The following CAMK2B variants were observed in gnomAD, a reference collection of about 807,000 sequenced individuals.
The protein encoded by CAMK2B is calcium/calmodulin-dependent protein kinase type II subunit beta.
CAMK2B carries 27 observed loss-of-function variants against 93.7 expected under a neutral mutation model. That is an observed-to-expected ratio of 0.29 (90% CI 0.21 to 0.40). The LOEUF is 0.40. CAMK2B is among the 10% of genes least tolerant of loss of function. The probability of loss-of-function intolerance (pLI) is 1.00; values close to 1 mark genes in which losing one functional copy is unlikely to be tolerated. For missense variants in CAMK2B, 568 were observed against 895.8 expected, an observed-to-expected ratio of 0.63 and a Z score of 4.67; for synonymous variants, 374 against 358.8, an observed-to-expected ratio of 1.04 and a Z score of -0.48.
At position 44,220,272 on chromosome 7, in the gene CAMK2B, C is replaced by T. The variant is rs1127065; in HGVS notation, c.1791G>A (p.Pro597=). 662,020 of 1,612,312 alleles carry T rather than the reference C, an allele frequency of 0.41. 138,916 individuals carry two copies. Among genetic ancestry groups the T allele is most frequent in the South Asian group, 0.43 (39,174 of 91,048 alleles). ...FENLLAKNSK[P]IHTTILNPHV... is the part of the protein sequence containing the mutation. ...GTGGGTTCAGGATGGTCGTGTGGAT[C>T]GGCTTGCTGTTCTTGGCCAGCACTG... is the stretch of plus-strand genomic sequence containing the variant. The change falls in exon 23 of 24, where the codon CCG becomes CCA. Residue 597 remains proline (P), a synonymous_variant. Transcript: ENST00000395749.
intron 1 of CAMK2B, among the ~76,000 whole-genome samples, chr7:44,316,107 A>T (rs1794777227): frequency 6.6e-6 from 1 of 152,152 alleles, no homozygotes; most frequent in African/African-American, 2.4e-5. Context: ...CTAGAAATGG[A>T]AAGAGCAGAT....
chr7:44,271,027 T>C lies in CAMK2B; in HGVS notation c.161-7963A>G, dbSNP rs2096969732. Among the ~76,000 whole-genome samples the C allele has an allele frequency of 6.6e-6, 1 of 152,204 alleles. No homozygotes were observed. Among genetic ancestry groups the C allele is most frequent in the Non-Finnish European group, 1.5e-5 (1 of 68,036 alleles). ...TCCACCTCCCGGGTTCAAGTGATTCTCCCATGTCAGCCTCTCCAGTAGCTG... is the reference window on the plus strand; with the variant it reads ...TCCACCTCCCGGGTTCAAGTGATTCCCCCATGTCAGCCTCTCCAGTAGCTG... On this transcript the variant is annotated intron_variant, in intron 2 of 23. Transcript: ENST00000395749. This position sits in a 1 kb window ranked among gnomAD's most constrained non-coding sequence, Gnocchi z 4.2.
intron 1 of CAMK2B, among the ~76,000 whole-genome samples, chr7:44,297,103 G>A (rs1788515975): frequency 1.3e-5 from 2 of 152,124 alleles, no homozygotes; most frequent in Admixed American, 1.3e-4. Context: ...TATCACTTAT[G>A]GATAAGTGAA....
At chr7:44,263,285 C>T (rs972946067) in intron 2 of CAMK2B, among the ~76,000 whole-genome samples, 26 of 152,192 alleles carry the variant, frequency 1.7e-4, no homozygotes, top group African/African-American at 6.3e-4. Flanking sequence ...GTGGAGAGGC[C>T]CATTCGGGTA....
At chr7:44,239,724 G>A in intron 12 of CAMK2B, 61 bp from the exon 13 acceptor site, 1 of 1,186,464 alleles carries the variant, frequency 8.4e-7, no homozygotes, top group Non-Finnish European at 1.2e-6. Context: ...GACGAGGGGT[G>A]GGCGAGGTAA....
intron 1 of CAMK2B, among the ~76,000 whole-genome samples, chr7:44,288,981 AG>A (rs1052690037): frequency 1.3e-5 from 2 of 152,152 alleles, no homozygotes; most frequent in African/African-American, 4.8e-5. Context: ...AGGCAGAGGC[AG>A]CAGGAAGCGT....
chr7:44,313,575 T>A (rs1200282565), intron 1 of CAMK2B, among the ~76,000 whole-genome samples: 1 of 151,304 alleles, frequency 6.6e-6, no homozygotes, highest in Non-Finnish European at 1.5e-5. Context: ...CCTACTGGGT[T>A]CCTAGTCACA....
intron 1 of CAMK2B, among the ~76,000 whole-genome samples, chr7:44,291,681 T>C (rs1786873588): frequency 6.6e-6 from 1 of 152,254 alleles, no homozygotes; most frequent in African/African-American, 2.4e-5. Flanking sequence ...GAACATTCCC[T>C]CAAGTTGACG....
intron 1 of CAMK2B, among the ~76,000 whole-genome samples, chr7:44,287,135 TG>T: frequency 6.6e-6 from 1 of 152,068 alleles, no homozygotes; most frequent in East Asian, 1.9e-4. Context: ...GCAGGAGGGC[TG>T]GCTCCCAAGG....
intron 20 of CAMK2B, 113 bp downstream of exon 20, chr7:44,226,403 T>C: frequency 1.1e-6 from 1 of 871,348 alleles, no homozygotes; most frequent in Non-Finnish European, 1.6e-6. Flanking sequence ...AGAGGGATCC[T>C]GTGCCCCGCC....
rs2096454867 is a variant in CAMK2B, at chr7:44,224,742, T to C, written c.1597+1774A>G. On this transcript the variant is annotated intron_variant, in intron 20 of 23. Coordinates refer to ENST00000395749, the MANE Select transcript of CAMK2B (RefSeq NM_001220.5). The surrounding 1 kb of genome is among the most constrained non-coding windows in gnomAD (Gnocchi z 4.4). Reference sequence around the variant, plus strand: ...AGGGATCAGGCTGGATTGTGTATAATCCGCGATTAGAGAGCGTGGGTGGGG... The same window carrying C: ...AGGGATCAGGCTGGATTGTGTATAACCCGCGATTAGAGAGCGTGGGTGGGG... Among the ~76,000 whole-genome samples the C allele has an allele frequency of 6.6e-6, 1 of 151,930 alleles. No homozygotes were observed. The highest frequency in any genetic ancestry group is 2.4e-5 in the African/African-American group (1 of 41,352).
chr7:44,277,315 C>A (rs2097056726), intron 2 of CAMK2B, among the ~76,000 whole-genome samples: 1 of 152,212 alleles, frequency 6.6e-6, no homozygotes, highest in South Asian at 2.1e-4. Flanking sequence ...TCAGTACATT[C>A]ACCAACTTTG....
rs1035977264 is a variant in CAMK2B at position 44,218,498 on chromosome 7, G to T, written c.*1027C>A. 6.6e-6 allele frequency: 1 copy of T among 152,338 alleles called. No homozygotes were observed. Among genetic ancestry groups the T allele is most frequent in the Admixed American group, 6.5e-5 (1 of 15,294 alleles). 9.4% of individuals were successfully genotyped at this position (152,338 alleles called of 1,614,324 possible). A position where few individuals can be genotyped will look rare whatever the true frequency, so the allele number is the denominator to read the frequency against. On this transcript the variant is annotated 3_prime_UTR_variant, in exon 24 of 24. Transcript: ENST00000395749. ...GTCAAAAGTCTGCTCCCCCTTGCGGGCTGCAGAGAAGCCGAACAGGCTGGG... is the reference window on the plus strand; with the variant it reads ...GTCAAAAGTCTGCTCCCCCTTGCGGTCTGCAGAGAAGCCGAACAGGCTGGG...
chr7:44,228,852 G>A lies in CAMK2B; in HGVS notation c.1412C>T (p.Ser471Leu). ...AGACAGGCAGGGCGGGGGCCCCGCT[G>A]AGAGGGGGCCCTCGGCTTCTGGGGT... is the stretch of plus-strand genomic sequence containing the variant. ...SGTPEAEGPL[S>L]AGPPPCLSPA... Residue 471 changes from serine to leucine, a missense_variant, in exon 19 of 24, where the codon TCA (serine) becomes TTA (leucine). Transcript: ENST00000395749. 6.7e-7 allele frequency: 1 copy of A among 1,503,184 alleles called. No homozygotes were observed. The highest frequency in any genetic ancestry group is 8.9e-7 in the Non-Finnish European group (1 of 1,117,714). 93.1% of individuals were successfully genotyped at this position (1,503,184 alleles called of 1,614,324 possible).
At chr7:44,277,908 C>A (rs1353664358) in intron 2 of CAMK2B, among the ~76,000 whole-genome samples, 1 of 152,236 alleles carries the variant, frequency 6.6e-6, no homozygotes, top group Non-Finnish European at 1.5e-5. Flanking sequence ...GGGGAAGCCC[C>A]TGCCCCACCA....
intron 1 of CAMK2B, among the ~76,000 whole-genome samples, chr7:44,288,816 G>A (rs76538842): frequency 0.078 from 11,905 of 152,076 alleles, 571 homozygotes; most frequent in Non-Finnish European, 0.1. Context: ...GCACCTGCTC[G>A]GGCACCTCCT....
intron 1 of CAMK2B, among the ~76,000 whole-genome samples, chr7:44,293,056 GC>G (rs372393390): frequency 0.063 from 9,535 of 152,158 alleles, 432 homozygotes; most frequent in Non-Finnish European, 0.085. Flanking sequence ...TGGTGTGGCT[GC>G]CCCCTTTGGT....
At chr7:44,245,246 C>T (rs2096719234) in intron 6 of CAMK2B, among the ~76,000 whole-genome samples, 1 of 152,124 alleles carries the variant, frequency 6.6e-6, no homozygotes, top group Non-Finnish European at 1.5e-5. Flanking sequence ...CAGTGATGCC[C>T]CCACCCTGGC....
chr7:44,229,146 C>A (rs1012754991), intron 18 of CAMK2B: 4 of 625,118 alleles, frequency 6.4e-6, no homozygotes, highest in Non-Finnish European at 1.2e-5. Context: ...GAGGCCCGAG[C>A]CTCCAGGGCC....
Sources: gnomAD v4.1 joint callset for allele counts (sites outside exome capture counted in the v4.1 genomes callset) on GRCh38, gnomAD v4.1.1 for gene constraint, Gnocchi (gnomAD v3.1) non-coding constraint, MANE v1.5 for transcripts, NCBI Gene and HGNC (gene_info 2026-07-23, HGNC 2026-07-21) for gene names.